ITSN1: variants seen among roughly 807,000 people sequenced by gnomAD.
The protein encoded by ITSN1 is intersectin 1, also known as intersectin-1.
Under a neutral mutation model 239.8 loss-of-function variants are expected in ITSN1, and 58 were observed. The ratio of observed to expected loss-of-function variants is 0.24; its 90% confidence interval spans 0.20 to 0.30. The LOEUF (loss-of-function observed/expected upper bound fraction) is 0.30. Among genes scored for constraint, ITSN1 ranks in the 10% least tolerant of loss-of-function variants. The pLI is 1.00. For missense variants in ITSN1, 1,558 were observed against 2,103.3 expected, an observed-to-expected ratio of 0.74 and a Z score of 5.07; for synonymous variants, 780 against 770.8, an observed-to-expected ratio of 1.01 and a Z score of -0.20.
intron 1 of ITSN1, among the ~76,000 whole-genome samples, chr21:33,716,222 A>G (rs1464405873): frequency 1.3e-5 from 2 of 152,146 alleles, no homozygotes. Context: ...AAAAGTCCAT[A>G]TCCAGATCTC....
chr21:33,738,173 C>A (rs942775160), intron 5 of ITSN1, among the ~76,000 whole-genome samples: 1 of 151,580 alleles, frequency 6.6e-6, no homozygotes, highest in African/African-American at 2.4e-5. Context: ...GGTGACAGAG[C>A]CAGACCCTAT....
At chr21:33,843,799 G>T (rs2074904732) in intron 29 of ITSN1, among the ~76,000 whole-genome samples, 1 of 152,172 alleles carries the variant, frequency 6.6e-6, no homozygotes, top group African/African-American at 2.4e-5. Flanking sequence ...GTGATCTTGG[G>T]CAAGTTATGT....
intron 1 of ITSN1, among the ~76,000 whole-genome samples, chr21:33,717,708 A>G (rs1181930393): frequency 6.7e-6 from 1 of 150,064 alleles, no homozygotes; most frequent in Non-Finnish European, 1.5e-5. Context: ...GGCGCCCGCC[A>G]CCACGCCCAG....
chr21:33,728,342 C>T (rs1030894069), intron 4 of ITSN1, among the ~76,000 whole-genome samples: 1 of 152,100 alleles, frequency 6.6e-6, no homozygotes, highest in Admixed American at 6.5e-5. Context: ...AAGTGATTCT[C>T]CTGCCTCAGC....
chr21:33,657,788 C>T (rs1419609661), intron 1 of ITSN1, among the ~76,000 whole-genome samples: 1 of 152,070 alleles, frequency 6.6e-6, no homozygotes, highest in Non-Finnish European at 1.5e-5. Flanking sequence ...GAGTTTGAGA[C>T]CATCCAAGCA....
chr21:33,723,669 G>A (rs2065641213), intron 4 of ITSN1, among the ~76,000 whole-genome samples: 1 of 152,150 alleles, frequency 6.6e-6, no homozygotes, highest in African/African-American at 2.4e-5. Flanking sequence ...ATTCCCAGGT[G>A]TACCATTTTC....
At chr21:33,883,894 G>GTTTTTTT (rs34448559) in intron 36 of ITSN1, among the ~76,000 whole-genome samples, 1 of 109,770 alleles carries the variant, frequency 9.1e-6, no homozygotes, top group Non-Finnish European at 1.8e-5. Flanking sequence ...TTTTGCTTGA[G>GTTTTTTT]TTTTTTTTTT....
intron 4 of ITSN1, 77 bp from the exon 5 acceptor site, chr21:33,734,967 G>T: frequency 7.9e-7 from 1 of 1,259,164 alleles, no homozygotes; most frequent in Non-Finnish European, 1.1e-6. Flanking sequence ...TTTTGTTTTC[G>T]TGTTGGTGGG....
intron 26 of ITSN1, 115 bp downstream of exon 26, chr21:33,826,978 G>A (rs1012669493): frequency 1.2e-6 from 1 of 834,226 alleles, no homozygotes; most frequent in African/African-American, 1.7e-5. Flanking sequence ...TTTCCTAAGA[G>A]TGGTGAGAGT....
intron 20 of ITSN1, among the ~76,000 whole-genome samples, chr21:33,803,938 C>T (rs927385613): frequency 6.6e-6 from 1 of 152,104 alleles, no homozygotes; most frequent in Non-Finnish European, 1.5e-5. Flanking sequence ...ACTCCAGGTG[C>T]CATTCAGCTG....
intron 11 of ITSN1, among the ~76,000 whole-genome samples, chr21:33,771,795 A>T (rs1386762751): frequency 6.6e-6 from 1 of 152,220 alleles, no homozygotes; most frequent in Non-Finnish European, 1.5e-5. Flanking sequence ...GGATGGAGTA[A>T]CAGGGAAGGA....
rs370372385 is a variant in ITSN1, at chr21:33,782,213, C to T, written c.1824+80C>T. Reference sequence around the variant, plus strand: ...TCCAAATGATTAGTTGCTATTTAATCACAGGCAGAAAAATTTATTATGCCA... The same window carrying T: ...TCCAAATGATTAGTTGCTATTTAATTACAGGCAGAAAAATTTATTATGCCA... On this transcript the variant is annotated intron_variant, in intron 16 of 39. Coordinates refer to ENST00000381318, the MANE Select transcript of ITSN1 (RefSeq NM_003024.3). 5.1e-5 allele frequency: 69 copies of T among 1,351,642 alleles called. No homozygotes were observed. In the East Asian group the frequency reaches 1.4e-3, roughly 28 times the overall value. The allele number at this position is 1,351,642 out of a possible 1,614,324, so 83.7% of individuals were successfully genotyped here.
At chr21:33,836,139 GCT>G (rs2074589683) in intron 28 of ITSN1, among the ~76,000 whole-genome samples, 1 of 152,142 alleles carries the variant, frequency 6.6e-6, no homozygotes, top group Non-Finnish European at 1.5e-5. Context: ...AAGGAGTTCC[GCT>G]GCACTCAAAA....
intron 24 of ITSN1, among the ~76,000 whole-genome samples, chr21:33,820,611 T>A (rs1469508168): frequency 6.6e-6 from 1 of 152,200 alleles, no homozygotes; most frequent in Non-Finnish European, 1.5e-5. Context: ...AATGTTCTTT[T>A]TTCAAGAGGT....
At chr21:33,829,842 C>T in intron 27 of ITSN1, 97 bp downstream of exon 27, 9 of 1,392,450 alleles carry the variant, frequency 6.5e-6, no homozygotes, top group Non-Finnish European at 8.9e-6. Flanking sequence ...CAAACCACCC[C>T]TCACCACCTA....
intron 11 of ITSN1, among the ~76,000 whole-genome samples, chr21:33,768,681 A>T (rs1445380335): frequency 6.6e-6 from 1 of 152,232 alleles, no homozygotes; most frequent in Non-Finnish European, 1.5e-5. Flanking sequence ...TGATAATGAT[A>T]CTAAGAAGCA....
intron 31 of ITSN1, among the ~76,000 whole-genome samples, chr21:33,862,271 C>T (rs1980756934): frequency 6.6e-6 from 1 of 150,488 alleles, no homozygotes; most frequent in South Asian, 2.1e-4. Flanking sequence ...GCTTTCCTGT[C>T]CCCTCGATGG....
intron 4 of ITSN1, among the ~76,000 whole-genome samples, chr21:33,723,486 C>T (rs532894525): frequency 1.2e-3 from 183 of 152,142 alleles, no homozygotes; most frequent in African/African-American, 4.2e-3. Context: ...TGGTGGCGGG[C>T]GCCTGTAGTC....
intron 1 of ITSN1, among the ~76,000 whole-genome samples, chr21:33,715,270 A>G: frequency 0.011 from 1 of 92 alleles, no homozygotes; most frequent in East Asian, 0.25. Context: ...GGTCTAGGAA[A>G]TCTAAAGAGA....
Sources: gnomAD v4.1 joint callset for allele counts (sites outside exome capture counted in the v4.1 genomes callset) on GRCh38, gnomAD v4.1.1 for gene constraint, MANE v1.5 for transcripts, NCBI Gene and HGNC (gene_info 2026-07-23, HGNC 2026-07-21) for gene names.